The following PHTF2 variants were observed in gnomAD, a reference collection of about 807,000 sequenced individuals.
PHTF2 encodes the protein protein PHTF2.
PHTF2 carries 60 observed loss-of-function variants against 101.2 expected under a neutral mutation model. The ratio of observed to expected loss-of-function variants is 0.59; its 90% CI spans 0.48 to 0.73. The LOEUF (loss-of-function observed/expected upper bound fraction) is 0.73. Ranked by LOEUF, PHTF2 falls within the 30% of genes least tolerant of loss-of-function variation. The probability of loss-of-function intolerance (pLI) is 0.00; values close to 1 mark genes in which losing one functional copy is unlikely to be tolerated. For synonymous variants in PHTF2, 311 were observed against 307.3 expected, an observed-to-expected ratio of 1.01 and a Z score of -0.13; for missense variants, 747 against 908.7, an observed-to-expected ratio of 0.82 and a Z score of 2.29.
Position 77,820,184 on chromosome 7 carries a change from C to G in PHTF2, c.-35-20037C>G, listed in dbSNP as rs557191855. ...GATTACAGGCGTGAGCCACCGCACCCGGCTTGGGAGACATTTTATTACTGA... is the reference window on the plus strand; with the variant it reads ...GATTACAGGCGTGAGCCACCGCACCGGGCTTGGGAGACATTTTATTACTGA... On this transcript the variant is annotated intron_variant, in intron 1 of 19. Transcript: ENST00000416283. Among the ~76,000 whole-genome samples, 15 of 152,238 alleles carry G rather than the reference C, an allele frequency of 9.9e-5. No individual in the cohort carries two copies. In the East Asian group the frequency reaches 2.7e-3, roughly 27 times the overall value.
At chr7:77,889,545 A>G (rs1269408180) in intron 3 of PHTF2, among the ~76,000 whole-genome samples, 2 of 151,900 alleles carry the variant, frequency 1.3e-5, no homozygotes, top group Non-Finnish European at 2.9e-5. Context: ...TGTTTGCTTA[A>G]GTAACTAAAA....
intron 1 of PHTF2, 58 bp from the exon 2 acceptor site, chr7:77,840,163 A>G: frequency 1.1e-6 from 1 of 882,306 alleles, no homozygotes; most frequent in Non-Finnish European, 1.9e-6. Flanking sequence ...CATGCTGTTC[A>G]GTCTCCTTTT....
intron 11 of PHTF2, among the ~76,000 whole-genome samples, chr7:77,926,053 CA>C (rs573766089): frequency 3.5e-5 from 5 of 141,782 alleles, no homozygotes; most frequent in South Asian, 2.2e-4. Flanking sequence ...GACTCCATCT[CA>C]AAAAAAAAAC....
intron 15 of PHTF2, among the ~76,000 whole-genome samples, 184 bp downstream of exon 14, chr7:77,940,843 TA>T (rs1197176142): frequency 6.6e-6 from 1 of 152,264 alleles, no homozygotes; most frequent in East Asian, 1.9e-4. Context: ...GCCCACTACT[TA>T]AAAAAGAATT....
chr7:77,805,396 C>T (rs1792893342), intron 1 of PHTF2, among the ~76,000 whole-genome samples: 1 of 152,108 alleles, frequency 6.6e-6, no homozygotes, highest in African/African-American at 2.4e-5. Flanking sequence ...TTTCTATCCT[C>T]AATTTGACTG....
intron 9 of PHTF2, among the ~76,000 whole-genome samples, chr7:77,919,282 G>A (rs1803222562): frequency 6.6e-6 from 1 of 152,058 alleles, no homozygotes; most frequent in South Asian, 2.1e-4. Flanking sequence ...AACTAATGTG[G>A]GGTTTTTTGG....
At chr7:77,898,193 A>G (rs1801053767) in intron 5 of PHTF2, among the ~76,000 whole-genome samples, 1 of 152,180 alleles carries the variant, frequency 6.6e-6, no homozygotes. Flanking sequence ...TGCACATATC[A>G]AGACAACTTA....
At chr7:77,867,772 C>T (rs1477133542) in intron 3 of PHTF2, among the ~76,000 whole-genome samples, 1 of 152,180 alleles carries the variant, frequency 6.6e-6, no homozygotes, top group East Asian at 1.9e-4. Flanking sequence ...TTTCTCCTGA[C>T]ATCATCTTAG....
chr7:77,926,867 A>C (rs1302392135), intron 11 of PHTF2, among the ~76,000 whole-genome samples: 1 of 149,956 alleles, frequency 6.7e-6, no homozygotes, highest in Non-Finnish European at 1.5e-5. Flanking sequence ...GTCCTGCTTC[A>C]AAAAAAAGAG....
At chr7:77,929,318 T>A in exon 12 of PHTF2, 2 of 1,568,806 alleles carry the variant, frequency 1.3e-6, no homozygotes, top group Non-Finnish European at 1.8e-6. Context: ...GAGATGACCC[T>A]TTTCATCAGG....
intron 1 of PHTF2, among the ~76,000 whole-genome samples, chr7:77,836,294 G>T (rs1795464040): frequency 6.6e-6 from 1 of 152,070 alleles, no homozygotes; most frequent in Non-Finnish European, 1.5e-5. Context: ...AGAGGTAAAG[G>T]AGGTGAAAGG....
At chr7:77,864,776 A>G (rs1562889166) in intron 3 of PHTF2, among the ~76,000 whole-genome samples, 1 of 151,550 alleles carries the variant, frequency 6.6e-6, no homozygotes, top group Non-Finnish European at 1.5e-5. Flanking sequence ...GCAGTGGTAT[A>G]GCGCTTTTTT....
At chr7:77,888,289 T>C (rs966877991) in intron 3 of PHTF2, among the ~76,000 whole-genome samples, 3 of 152,196 alleles carry the variant, frequency 2.0e-5, no homozygotes, top group Non-Finnish European at 2.9e-5. Flanking sequence ...TAATTTTTTG[T>C]ATTTTTAGTA....
chr7:77,895,790 C>T (rs1454308513), intron 5 of PHTF2: 3 of 152,070 alleles, frequency 2.0e-5, no homozygotes, highest in African/African-American at 4.8e-5. Context: ...AAGTTAGGAC[C>T]TACAACTTCT....
At chr7:77,854,327 C>T (rs187403308) in intron 2 of PHTF2, among the ~76,000 whole-genome samples, 30 of 152,240 alleles carry the variant, frequency 2.0e-4, no homozygotes, top group African/African-American at 7.2e-4. Context: ...TGCTGAGCTG[C>T]CTGGAGCTGG....
intron 7 of PHTF2, among the ~76,000 whole-genome samples, chr7:77,903,220 A>G (rs1368127805): frequency 6.6e-6 from 1 of 152,154 alleles, no homozygotes; most frequent in African/African-American, 2.4e-5. Context: ...ATTACTGCTG[A>G]AGTGATCATA....
At chr7:77,822,904 CTTTT>C (rs35785317) in intron 1 of PHTF2, among the ~76,000 whole-genome samples, 3 of 118,410 alleles carry the variant, frequency 2.5e-5, no homozygotes, top group Non-Finnish European at 1.7e-5. Context: ...ATATTTAAAT[CTTTT>C]TTTTTTTTTT....
chr7:77,879,362 A>G (rs1346941477), intron 3 of PHTF2, among the ~76,000 whole-genome samples: 1 of 152,080 alleles, frequency 6.6e-6, no homozygotes, highest in African/African-American at 2.4e-5. Flanking sequence ...GCTGCTTCTC[A>G]TATGGCCAAC....
At chr7:77,922,649 C>T in exon 11 of PHTF2, 1 of 1,610,696 alleles carries the variant, frequency 6.2e-7, no homozygotes, top group Non-Finnish European at 8.5e-7. Context: ...TAACAAATGT[C>T]TCTGATGAAG....
Sources: gnomAD v4.1 joint callset for allele counts (sites outside exome capture counted in the v4.1 genomes callset) on GRCh38, gnomAD v4.1.1 for gene constraint, MANE v1.5 for transcripts, NCBI Gene and HGNC (gene_info 2026-07-23, HGNC 2026-07-21) for gene names.